The following KPNA4 variants were observed in gnomAD, a reference collection of about 807,000 sequenced individuals.
KPNA4 encodes the protein karyopherin subunit alpha 4.
KPNA4 carries 13 observed loss-of-function variants against 71.3 expected under a neutral mutation model. That is an observed-to-expected ratio of 0.18 (90% CI 0.12 to 0.29). The LOEUF (loss-of-function observed/expected upper bound fraction) is 0.29. Ranked by LOEUF, KPNA4 falls within the 10% of genes least tolerant of loss-of-function variation. The pLI is 1.00. For synonymous variants in KPNA4, 189 were observed against 195.2 expected (o/e 0.97, Z 0.26); for missense variants, 334 against 603.2 (o/e 0.55, Z 4.67).
chr3:160,502,172 C>T lies in KPNA4; in HGVS notation c.1498G>A (p.Ala500Thr). ...IDEDPSLVPE[A>T]IQGGTFGFNS... ...AAACCAAATGTTCCGCCTTGAATTGCCTCTGGAACAAGGCTAGGGTCTTCA... is the reference window on the plus strand; with the variant it reads ...AAACCAAATGTTCCGCCTTGAATTGTCTCTGGAACAAGGCTAGGGTCTTCA... Residue 500 changes from alanine to threonine, a missense_variant, in exon 17 of 17, where the codon GCA becomes ACA. By Grantham distance (58) the Ala-to-Thr change is moderately conservative. Transcript: ENST00000334256. 6.3e-7 allele frequency: 1 copy of T among 1,594,624 alleles called. No homozygotes were observed. Among genetic ancestry groups the T allele is most frequent in the Non-Finnish European group, 8.6e-7 (1 of 1,167,522 alleles).
chr3:160,510,791 A>T (rs1233511912), intron 13 of KPNA4, among the ~76,000 whole-genome samples: 1 of 151,824 alleles, frequency 6.6e-6, no homozygotes, highest in Non-Finnish European at 1.5e-5. Context: ...AAAAACTTAC[A>T]AGCTATTCTT....
intron 5 of KPNA4, 25 bp from the exon 6 acceptor site, chr3:160,531,582 T>G: frequency 8.6e-7 from 1 of 1,168,774 alleles, no homozygotes; most frequent in Non-Finnish European, 1.2e-6. Flanking sequence ...AACACTCCTG[T>G]GAAACTTAAT....
At chr3:160,544,056 T>C (rs1721858290) in intron 1 of KPNA4, among the ~76,000 whole-genome samples, 1 of 151,926 alleles carries the variant, frequency 6.6e-6, no homozygotes, top group Admixed American at 6.6e-5. Context: ...CGGGGTTTTA[T>C]CACATTGGCC....
intron 10 of KPNA4, among the ~76,000 whole-genome samples, chr3:160,522,353 G>C (rs941902725): frequency 6.6e-6 from 1 of 152,168 alleles, no homozygotes; most frequent in Non-Finnish European, 1.5e-5. Flanking sequence ...AGTATTGTAA[G>C]TACCATGTAG....
chr3:160,549,261 T>C (rs1349675307), intron 1 of KPNA4, among the ~76,000 whole-genome samples: 2 of 152,228 alleles, frequency 1.3e-5, no homozygotes, highest in Non-Finnish European at 2.9e-5. Flanking sequence ...ATTGTTTCCT[T>C]GGCTGCACAT....
At chr3:160,530,815 T>C in intron 7 of KPNA4, 40 bp downstream of exon 7, 1 of 1,411,100 alleles carries the variant, frequency 7.1e-7, no homozygotes, top group Non-Finnish European at 9.9e-7. Context: ...CGACTTCTTT[T>C]AAAAAAAATC....
chr3:160,557,236 C>G (rs768777903), intron 1 of KPNA4, among the ~76,000 whole-genome samples: 10 of 152,104 alleles, frequency 6.6e-5, no homozygotes, highest in Non-Finnish European at 1.3e-4. Flanking sequence ...GAACAGGTGG[C>G]AAACAGGACA....
chr3:160,502,164 T>C lies in KPNA4; in HGVS notation c.1506A>G (p.Gln502=), dbSNP rs372594594. The change falls in exon 17 of 17, where the codon CAA becomes CAG. Residue 502 remains glutamine (Q), a synonymous_variant. Coordinates refer to ENST00000334256, the MANE Select transcript of KPNA4 (RefSeq NM_002268.5). ...ATGAATTGAAACCAAATGTTCCGCCTTGAATTGCCTCTGGAACAAGGCTAG... is the reference window on the plus strand; with the variant it reads ...ATGAATTGAAACCAAATGTTCCGCCCTGAATTGCCTCTGGAACAAGGCTAG... ...EDPSLVPEAI[Q]GGTFGFNSSA... is the part of the protein sequence containing the mutation. The C allele has an allele frequency of 3.1e-6, 5 of 1,599,002 alleles. No homozygotes were observed. Among genetic ancestry groups the C allele is most frequent in the African/African-American group, 2.7e-5 (2 of 74,640 alleles).
At chr3:160,556,432 A>G (rs143352415) in intron 1 of KPNA4, among the ~76,000 whole-genome samples, 1 of 152,306 alleles carries the variant, frequency 6.6e-6, no homozygotes, top group Non-Finnish European at 1.5e-5. Context: ...GTGGTATCTC[A>G]TCATGCTTTA....
intron 1 of KPNA4, among the ~76,000 whole-genome samples, chr3:160,550,799 G>GTATCATCAT: frequency 6.6e-6 from 1 of 152,310 alleles, no homozygotes; most frequent in East Asian, 1.9e-4. Flanking sequence ...GTCAGTTAAT[G>GTATCATCAT]TGGTGTATCA....
chr3:160,534,542 AC>A (rs1180318229), intron 5 of KPNA4, among the ~76,000 whole-genome samples: 1 of 151,018 alleles, frequency 6.6e-6, no homozygotes, highest in Non-Finnish European at 1.5e-5. Flanking sequence ...AGATGGTGAA[AC>A]CCTGTCTCTA....
At chr3:160,520,499 G>C (rs1484920268) in intron 11 of KPNA4, among the ~76,000 whole-genome samples, 3 of 150,654 alleles carry the variant, frequency 2.0e-5, no homozygotes, top group African/African-American at 4.9e-5. Flanking sequence ...CTGACCTTGT[G>C]ATCTGCCCAC....
Position 160,535,652 on chromosome 3 carries a change from C to A in KPNA4, c.234+9G>T, listed in dbSNP as rs1222295264. 5 of 1,585,720 alleles carry A rather than the reference C, an allele frequency of 3.2e-6. No individual in the cohort carries two copies. The highest frequency in any genetic ancestry group is 4.3e-6 in the Non-Finnish European group (5 of 1,170,540). ...ATGCAAATGAAGAGAGGGAAAAAATCCAACTTACTTGAACAATAGCTTCTA... is the reference window on the plus strand; with the variant it reads ...ATGCAAATGAAGAGAGGGAAAAAATACAACTTACTTGAACAATAGCTTCTA... On this transcript the variant is annotated intron_variant, in intron 4 of 16. Coordinates refer to ENST00000334256, the MANE Select transcript of KPNA4 (RefSeq NM_002268.5).
intron 11 of KPNA4, among the ~76,000 whole-genome samples, chr3:160,516,892 T>C (rs1345672380): frequency 6.6e-6 from 1 of 152,104 alleles, no homozygotes; most frequent in Non-Finnish European, 1.5e-5. Flanking sequence ...CATGAGGTCA[T>C]TTCCTGTTAA....
At chr3:160,525,376 A>G (rs1271027683) in intron 10 of KPNA4, among the ~76,000 whole-genome samples, 1 of 121,218 alleles carries the variant, frequency 8.2e-6, no homozygotes, top group Admixed American at 7.9e-5. Flanking sequence ...AAAAACAAAA[A>G]TAGCACTATT....
chr3:160,527,918 AAT>A (rs748627218), intron 8 of KPNA4, 33 bp downstream of exon 8: 13 of 1,504,788 alleles, frequency 8.6e-6, no homozygotes, highest in Admixed American at 1.7e-5. Context: ...ATATGATAAC[AAT>A]TTTTAGACTA....
rs1233264583 is a variant in KPNA4, at chr3:160,530,883, A to G, written c.441T>C (p.Ser147=). ...WALTNIASGT[S]EQTQAVVQSN... is the part of the protein sequence containing the mutation. ...ACTGAACTACTGCTTGAGTTTGTTC[A>G]GAAGTTCCAGATGCAATGTTTGTCA... The change falls in exon 7 of 17, where the codon TCT becomes TCC. Residue 147 remains serine (S), a synonymous_variant. Coordinates refer to ENST00000334256, the MANE Select transcript of KPNA4 (RefSeq NM_002268.5). The G allele has an allele frequency of 1.2e-6, 2 of 1,612,726 alleles. No individual in the cohort carries two copies. Among genetic ancestry groups the G allele is most frequent in the Non-Finnish European group, 1.7e-6 (2 of 1,179,390 alleles).
chr3:160,531,021 T>C (rs1721565224), intron 6 of KPNA4, 81 bp from the exon 7 acceptor site: 1 of 868,130 alleles, frequency 1.2e-6, no homozygotes, highest in African/African-American at 1.7e-5. Flanking sequence ...CTTCTACCAT[T>C]TAAAATGCAT....
At chr3:160,541,439 A>T (rs1418960255) in intron 1 of KPNA4, among the ~76,000 whole-genome samples, 1 of 152,090 alleles carries the variant, frequency 6.6e-6, no homozygotes, top group Non-Finnish European at 1.5e-5. Context: ...TACTTAGGTA[A>T]CAGCACTACC....
Sources: allele counts gnomAD v4.1 joint callset (sites outside exome capture counted in the v4.1 genomes callset), GRCh38; gene constraint gnomAD v4.1.1; transcripts MANE v1.5; gene names NCBI Gene and HGNC (gene_info 2026-07-23, HGNC 2026-07-21).